Variants in CD48 observed in about 807,000 individuals in gnomAD.
CD48 encodes CD48 antigen.
In CD48, 20 loss-of-function variants were observed where a neutral mutation model predicts 22.0. The ratio of observed to expected loss-of-function variants is 0.91; its 90% CI spans 0.64 to 1.32. The LOEUF (loss-of-function observed/expected upper bound fraction) is 1.32, where lower values mean the gene tolerates loss of function less well. Ranked by LOEUF, CD48 falls within the 40% of genes most tolerant of loss-of-function variation. The pLI is 0.00. For missense variants in CD48, 307 were observed against 286.5 expected, an observed-to-expected ratio of 1.07 and a Z score of -0.52; for synonymous variants, 110 against 110.1, an observed-to-expected ratio of 1.00 and a Z score of 0.01.
chr1:160,684,526 C>CT (rs1055612876), intron 2 of CD48: 12 of 544,030 alleles, frequency 2.2e-5, no homozygotes, highest in African/African-American at 1.7e-4. Context: ...AATACATTCT[C>CT]TTTTTTCTTA....
chr1:160,690,977 G>T (rs1662190425), intron 1 of CD48, among the ~76,000 whole-genome samples: 1 of 152,188 alleles, frequency 6.6e-6, no homozygotes. Context: ...TGGATTAAGG[G>T]CGGTGCAAGA....
chr1:160,710,512 G>A (rs1328048717), intron 1 of CD48, among the ~76,000 whole-genome samples: 1 of 152,190 alleles, frequency 6.6e-6, no homozygotes, highest in African/African-American at 2.4e-5. Context: ...CCAAGATGAA[G>A]CCTAGAAAAG....
At chr1:160,694,106 G>A (rs1662322696) in intron 1 of CD48, among the ~76,000 whole-genome samples, 1 of 152,254 alleles carries the variant, frequency 6.6e-6, no homozygotes, top group African/African-American at 2.4e-5. Flanking sequence ...TCATACTGGT[G>A]TGGTTGATTC....
chr1:160,680,167 C>G (rs757040384), intron 3 of CD48, among the ~76,000 whole-genome samples: 3 of 152,218 alleles, frequency 2.0e-5, no homozygotes. Flanking sequence ...ACAGGGGTCA[C>G]AGGTGAATGT....
chr1:160,687,842 C>A (rs1359443398), intron 1 of CD48, among the ~76,000 whole-genome samples: 1 of 152,176 alleles, frequency 6.6e-6, no homozygotes, highest in African/African-American at 2.4e-5. Flanking sequence ...TGATCTAATG[C>A]CTCAGCTCCA....
rs573183969 is a variant in CD48 at position 160,687,544 on chromosome 1, T to G, written c.83-2355A>C. On this transcript the variant is annotated intron_variant, in intron 1 of 3. Coordinates refer to ENST00000368046, the MANE Select transcript of CD48 (RefSeq NM_001778.4). The stretch of plus-strand genomic sequence containing the variant: ...TATTAATTTGGGGAACTAATAAATG[T>G]CCATAAAATATTCACAATCCACGTT... Among the ~76,000 whole-genome samples the G allele has an allele frequency of 1.7e-4, 26 of 152,310 alleles. No individual in the cohort carries two copies. In the South Asian group the frequency reaches 5.4e-3, roughly 32 times the overall value.
At chr1:160,684,204 TAA>T (rs1661908580) in intron 2 of CD48, 1 of 152,562 alleles carries the variant, frequency 6.6e-6, no homozygotes, top group African/African-American at 2.4e-5. Flanking sequence ...TGAATTGCTT[TAA>T]ATAGCCCTAG....
At chr1:160,695,000 C>T (rs1662362464) in intron 1 of CD48, among the ~76,000 whole-genome samples, 1 of 152,194 alleles carries the variant, frequency 6.6e-6, no homozygotes, top group Non-Finnish European at 1.5e-5. Flanking sequence ...GCTGTAAATG[C>T]CGTAATTCAA....
At position 160,678,981 on chromosome 1, in the gene CD48, G is replaced by T; in HGVS notation, c.*71C>A. 9.0e-7 allele frequency: 1 copy of T among 1,111,060 alleles called. No individual in the cohort carries two copies. 68.8% of individuals were successfully genotyped at this position (1,111,060 alleles called of 1,614,324 possible). On this transcript the variant is annotated 3_prime_UTR_variant, in exon 4 of 4. Coordinates refer to ENST00000368046, the MANE Select transcript of CD48 (RefSeq NM_001778.4). ...GTCAGCCTATACAGTCTCTGTCCTG[G>T]TGAGGAGCATGATCACCAACAGGCA...
chr1:160,685,131 C>T lies in CD48; in HGVS notation c.141G>A (p.Glu47=). ...GTTGTTTGTAGTTCTCAGGCAGGCT[C>T]TCAGAGATGTTCAGAGTCACGTTGC... ...SGSNVTLNIS[E]SLPENYKQLT... Residue 47 remains glutamate, a synonymous_variant, in exon 2 of 4, where the codon GAG becomes GAA. Coordinates refer to ENST00000368046, the MANE Select transcript of CD48 (RefSeq NM_001778.4). 6.2e-7 allele frequency: 1 copy of T among 1,613,818 alleles called. No individual in the cohort carries two copies. The highest frequency in any genetic ancestry group is 2.2e-5 in the East Asian group (1 of 44,880).
At chr1:160,680,583 A>T in intron 3 of CD48, 1 of 999,788 alleles carries the variant, frequency 1.0e-6, no homozygotes, top group African/African-American at 1.7e-5. Flanking sequence ...TGTAGGCCTG[A>T]TCTAGAGCCA....
chr1:160,704,435 G>A (rs1352325913), intron 1 of CD48, among the ~76,000 whole-genome samples: 1 of 152,202 alleles, frequency 6.6e-6, no homozygotes, highest in Non-Finnish European at 1.5e-5. Flanking sequence ...TCTTGTGTGT[G>A]AAGTTCCCGC....
intron 1 of CD48, among the ~76,000 whole-genome samples, chr1:160,705,080 A>C (rs1662751181): frequency 6.6e-6 from 1 of 152,214 alleles, no homozygotes; most frequent in Non-Finnish European, 1.5e-5. Context: ...GATATATACT[A>C]GCTGTTCACT....
chr1:160,698,568 A>T (rs1211817388), intron 1 of CD48, among the ~76,000 whole-genome samples: 1 of 152,144 alleles, frequency 6.6e-6, no homozygotes, highest in East Asian at 1.9e-4. Flanking sequence ...TTGGCAAGTC[A>T]AATTAATGAT....
chr1:160,708,254 T>G (rs189419412), intron 1 of CD48, among the ~76,000 whole-genome samples: 1 of 152,242 alleles, frequency 6.6e-6, no homozygotes, highest in African/African-American at 2.4e-5. Flanking sequence ...GGCTAGGACA[T>G]AGACTAAGGA....
intron 1 of CD48, among the ~76,000 whole-genome samples, chr1:160,687,529 G>C (rs1466098339): frequency 2.0e-5 from 3 of 152,136 alleles, no homozygotes; most frequent in Admixed American, 2.0e-4. Context: ...TATTAATTTG[G>C]GGAACTAATA....
intron 1 of CD48, among the ~76,000 whole-genome samples, chr1:160,705,780 A>T (rs992293127): frequency 1.3e-5 from 2 of 152,162 alleles, no homozygotes; most frequent in East Asian, 3.9e-4. Flanking sequence ...TTTGGGCCAC[A>T]TAATTCTTTT....
chr1:160,687,014 G>A (rs1056715825), intron 1 of CD48, among the ~76,000 whole-genome samples: 16 of 152,132 alleles, frequency 1.1e-4, no homozygotes, highest in African/African-American at 3.9e-4. Flanking sequence ...GAGTGCTATG[G>A]GAGACTGGAG....
chr1:160,681,799 T>A (rs1661815410), intron 2 of CD48, among the ~76,000 whole-genome samples: 1 of 152,172 alleles, frequency 6.6e-6, no homozygotes, highest in Non-Finnish European at 1.5e-5. Context: ...TCAGACTTAG[T>A]ATATCAACTG....
Sources: gnomAD v4.1 joint callset for allele counts (sites outside exome capture counted in the v4.1 genomes callset) on GRCh38, gnomAD v4.1.1 for gene constraint, MANE v1.5 for transcripts, NCBI Gene and HGNC (gene_info 2026-07-23, HGNC 2026-07-21) for gene names.